The following DOCK8 variants were observed in gnomAD, a reference collection of about 807,000 sequenced individuals.
The protein encoded by DOCK8 is dedicator of cytokinesis protein 8.
DOCK8 carries 141 observed loss-of-function variants against 245.6 expected under a neutral mutation model. That is an observed-to-expected ratio of 0.57 (90% confidence interval 0.50 to 0.66). The LOEUF (loss-of-function observed/expected upper bound fraction) is 0.66, where lower values mean the gene tolerates loss of function less well. Ranked by LOEUF, DOCK8 falls within the 30% of genes least tolerant of loss-of-function variation. The pLI, the probability that DOCK8 is intolerant of heterozygous loss-of-function variation, is 0.00. For synonymous variants in DOCK8, 1,168 were observed against 970.2 expected, an observed-to-expected ratio of 1.20 and a Z score of -3.79; for missense variants, 2,965 against 2,603.4, an observed-to-expected ratio of 1.14 and a Z score of -3.02.
upstream of DOCK8, chr9:214,360 C>A (rs2131305463): frequency 1.4e-6 from 1 of 703,906 alleles, no homozygotes; most frequent in East Asian, 3.0e-5. Flanking sequence ...TTGGATGAAT[C>A]CATTATATTT....
chr9:267,329 CT>C (rs2048059356), intron 1 of DOCK8, among the ~76,000 whole-genome samples: 1 of 152,182 alleles, frequency 6.6e-6, no homozygotes, highest in African/African-American at 2.4e-5. Flanking sequence ...CCTCAGCCCC[CT>C]GAGTAGCTGG....
At chr9:404,874 C>T (rs762204376) in intron 26 of DOCK8, 44 bp from the exon 27 acceptor site, 2 of 1,610,986 alleles carry the variant, frequency 1.2e-6, no homozygotes, top group Admixed American at 1.7e-5. Context: ...ACTCCACTTA[C>T]CTTGTAATAA....
intron 14 of DOCK8, among the ~76,000 whole-genome samples, chr9:350,766 C>G (rs1033920721): frequency 6.6e-6 from 1 of 152,138 alleles, no homozygotes; most frequent in Non-Finnish European, 1.5e-5. Flanking sequence ...TTGGACAGAA[C>G]GTAGATAGCA....
chr9:224,304 G>T (rs992811508), intron 1 of DOCK8, among the ~76,000 whole-genome samples: 45 of 152,194 alleles, frequency 3.0e-4, no homozygotes, highest in African/African-American at 1.0e-3. Context: ...ATTTGCATTT[G>T]ACCCAAGATA....
At chr9:438,184 A>G (rs2056967444) in intron 39 of DOCK8, among the ~76,000 whole-genome samples, 2 of 152,228 alleles carry the variant, frequency 1.3e-5, no homozygotes, top group Non-Finnish European at 2.9e-5. Flanking sequence ...AGGTTGATTC[A>G]CATGATCTTG....
chr9:347,441 G>C (rs2051950294), intron 14 of DOCK8, among the ~76,000 whole-genome samples: 1 of 152,176 alleles, frequency 6.6e-6, no homozygotes, highest in African/African-American at 2.4e-5. Flanking sequence ...GGAAGGTCGA[G>C]GCTACAGTGA....
At position 452,091 on chromosome 9, in the gene DOCK8, G is replaced by A. The variant is rs2057485062; in HGVS notation, c.6042G>A (p.Arg2014=). Residue 2014 remains arginine, a synonymous_variant, in exon 46 of 48, where the codon AGG becomes AGA. Transcript: ENST00000432829. The part of the protein sequence containing the change: ...PKLYRHHNKL[R]LCFKEFIMRC... ...TCTATCGACATCACAACAAGTTGAG[G>A]TTATGCTTTAAGGAATTCATCATGA... 1.9e-6 allele frequency: 3 copies of A among 1,610,312 alleles called. No individual in the cohort carries two copies. Among genetic ancestry groups the A allele is most frequent in the Non-Finnish European group, 2.5e-6 (3 of 1,178,336 alleles).
chr9:343,125 A>G (rs931945531), intron 14 of DOCK8, among the ~76,000 whole-genome samples: 1 of 152,138 alleles, frequency 6.6e-6, no homozygotes, highest in African/African-American at 2.4e-5. Context: ...CACCTGATCC[A>G]AGCATTCCCA....
At chr9:263,752 C>G (rs2047975718) in intron 1 of DOCK8, among the ~76,000 whole-genome samples, 2 of 152,130 alleles carry the variant, frequency 1.3e-5, no homozygotes, top group Admixed American at 1.3e-4. Context: ...TATTTTATTT[C>G]AGCACTTTGA....
intron 1 of DOCK8, among the ~76,000 whole-genome samples, chr9:236,406 CA>C (rs2047250410): frequency 1.3e-5 from 2 of 152,176 alleles, no homozygotes; most frequent in Non-Finnish European, 2.9e-5. Flanking sequence ...TTCATTAGCC[CA>C]GCACATTGTC....
At chr9:246,504 GA>G (rs138842824) in intron 1 of DOCK8, among the ~76,000 whole-genome samples, 21,130 of 152,090 alleles carry the variant, frequency 0.14, 1,847 homozygotes, top group East Asian at 0.4. Flanking sequence ...GACAGAGTGA[GA>G]CCCTGTCTCA....
intron 46 of DOCK8, among the ~76,000 whole-genome samples, chr9:459,433 A>G (rs943248235): frequency 1.4e-4 from 21 of 152,230 alleles, no homozygotes; most frequent in African/African-American, 4.8e-4. Context: ...TTTTCTTTAT[A>G]AAACATCACA....
intron 1 of DOCK8, among the ~76,000 whole-genome samples, chr9:232,176 C>T (rs1292621872): frequency 6.6e-6 from 1 of 152,132 alleles, no homozygotes; most frequent in Non-Finnish European, 1.5e-5. Context: ...GCCTTTGGTT[C>T]TGTTTATATG....
At chr9:269,142 A>G (rs895191558) in intron 1 of DOCK8, among the ~76,000 whole-genome samples, 2 of 152,204 alleles carry the variant, frequency 1.3e-5, no homozygotes, top group Non-Finnish European at 2.9e-5. Flanking sequence ...AGTCATCACT[A>G]CAATCAATTT....
intron 23 of DOCK8, among the ~76,000 whole-genome samples, chr9:387,369 G>A (rs1036397692): frequency 6.6e-6 from 1 of 151,858 alleles, no homozygotes; most frequent in Non-Finnish European, 1.5e-5. Flanking sequence ...CTTGAACACG[G>A]GAGGCAGAGG....
At chr9:387,352 A>G (rs545295401) in intron 23 of DOCK8, among the ~76,000 whole-genome samples, 47 of 152,074 alleles carry the variant, frequency 3.1e-4, no homozygotes, top group Non-Finnish European at 5.6e-4. Flanking sequence ...CTGAGGCAGG[A>G]GAATCACTTG....
At chr9:389,181 A>G (rs1223967468) in intron 23 of DOCK8, among the ~76,000 whole-genome samples, 2 of 152,210 alleles carry the variant, frequency 1.3e-5, no homozygotes, top group East Asian at 3.8e-4. Flanking sequence ...GGACCAGGAC[A>G]TTATCAGGCA....
chr9:323,007 C>T (rs746551098), intron 7 of DOCK8, among the ~76,000 whole-genome samples: 10 of 150,898 alleles, frequency 6.6e-5, no homozygotes, highest in Non-Finnish European at 8.8e-5. Context: ...GCCGAAGAAT[C>T]GCTTGAACCT....
intron 1 of DOCK8, among the ~76,000 whole-genome samples, chr9:259,796 G>A (rs146357137): frequency 3.5e-4 from 53 of 152,244 alleles, no homozygotes; most frequent in Admixed American, 2.7e-3. Context: ...AAATTGTTTG[G>A]TGGTCCCAGG....
Sources: allele counts gnomAD v4.1 joint callset (sites outside exome capture counted in the v4.1 genomes callset), GRCh38; gene constraint gnomAD v4.1.1; transcripts MANE v1.5; gene names NCBI Gene and HGNC (gene_info 2026-07-23, HGNC 2026-07-21).